ESRRG: variants seen among roughly 807,000 people sequenced by gnomAD.
The protein encoded by ESRRG is estrogen related receptor gamma.
A neutral mutation model predicts 44.0 loss-of-function variants in ESRRG; 13 were observed. The observed-to-expected ratio is 0.30, with a 90% confidence interval of 0.19 to 0.47. ESRRG has a LOEUF of 0.47. ESRRG is among the 20% of genes least tolerant of loss of function. The probability of loss-of-function intolerance (pLI) is 1.00; values close to 1 mark genes in which losing one functional copy is unlikely to be tolerated. For missense variants in ESRRG, 395 were observed against 580.6 expected, an observed-to-expected ratio of 0.68 and a Z score of 3.29; for synonymous variants, 215 against 214.6, an observed-to-expected ratio of 1.00 and a Z score of -0.02.
At chr1:216,913,971 C>T (rs1406695911) in intron 2 of ESRRG, among the ~76,000 whole-genome samples, 1 of 152,124 alleles carries the variant, frequency 6.6e-6, no homozygotes, top group Non-Finnish European at 1.5e-5. Flanking sequence ...TACTAATAAA[C>T]AGCAAACTAC....
intron 5 of ESRRG, among the ~76,000 whole-genome samples, chr1:216,534,403 TA>T (rs1558322823): frequency 1.3e-5 from 2 of 152,182 alleles, no homozygotes; most frequent in Admixed American, 6.5e-5. Flanking sequence ...TATGAGATGT[TA>T]TTCCTGGCAC....
chr1:216,940,878 A>G (rs1449193963), intron 1 of ESRRG, among the ~76,000 whole-genome samples: 5 of 152,208 alleles, frequency 3.3e-5, no homozygotes, highest in Non-Finnish European at 1.5e-5. Flanking sequence ...AATTTACTGT[A>G]ATGCTAAACA....
intron 2 of ESRRG, among the ~76,000 whole-genome samples, chr1:216,936,939 CA>C (rs1229767267): frequency 6.6e-6 from 1 of 152,006 alleles, no homozygotes; most frequent in Non-Finnish European, 1.5e-5. Context: ...GGCACATACC[CA>C]GGGGCAGAAC....
chr1:216,561,065 T>G (rs2058634770), intron 5 of ESRRG, among the ~76,000 whole-genome samples: 1 of 152,168 alleles, frequency 6.6e-6, no homozygotes, highest in Non-Finnish European at 1.5e-5. Context: ...TAAAGTATGG[T>G]CATGTTTCAT....
chr1:216,950,268 T>C (rs575907322), intron 1 of ESRRG, among the ~76,000 whole-genome samples: 1 of 152,232 alleles, frequency 6.6e-6, no homozygotes, highest in Non-Finnish European at 1.5e-5. Flanking sequence ...CTACTAGAGA[T>C]GACTATCTTC....
At chr1:216,741,430 G>A (rs140324246) in intron 2 of ESRRG, among the ~76,000 whole-genome samples, 930 of 43,948 alleles carry the variant, frequency 0.021, 10 homozygotes, top group African/African-American at 0.066. Context: ...ACTCCCCCCC[G>A]CCCCTGCACA....
At chr1:217,095,244 G>A (rs2092405325) in intron 1 of ESRRG, among the ~76,000 whole-genome samples, 1 of 152,192 alleles carries the variant, frequency 6.6e-6, no homozygotes, top group African/African-American at 2.4e-5. Context: ...CCAGTATTCA[G>A]AATGATGGCC....
At chr1:216,615,408 G>C (rs1292658289) in intron 3 of ESRRG, among the ~76,000 whole-genome samples, 3 of 152,102 alleles carry the variant, frequency 2.0e-5, no homozygotes, top group East Asian at 1.9e-4. Flanking sequence ...TACTCACCCT[G>C]GTCTATTTCC....
intron 2 of ESRRG, among the ~76,000 whole-genome samples, chr1:216,869,152 T>C (rs1460730425): frequency 1.3e-5 from 2 of 152,200 alleles, no homozygotes; most frequent in East Asian, 3.9e-4. Context: ...TAGATAATGA[T>C]AGTTTTCTCT....
At chr1:216,578,682 G>C (rs930164915) in intron 3 of ESRRG, among the ~76,000 whole-genome samples, 2 of 152,022 alleles carry the variant, frequency 1.3e-5, no homozygotes, top group Non-Finnish European at 2.9e-5. Flanking sequence ...ATCTACCAAT[G>C]GTGTTCTTAA....
intron 5 of ESRRG, among the ~76,000 whole-genome samples, chr1:216,540,120 A>G (rs950130867): frequency 6.6e-6 from 1 of 152,004 alleles, no homozygotes; most frequent in Non-Finnish European, 1.5e-5. Context: ...CTTATTGCAT[A>G]TCTATTATAG....
intron 2 of ESRRG, among the ~76,000 whole-genome samples, chr1:216,792,947 T>A (rs2094365623): frequency 6.6e-6 from 1 of 152,218 alleles, no homozygotes; most frequent in Non-Finnish European, 1.5e-5. Context: ...GATAGGAATA[T>A]GATCAGTAAC....
chr1:217,060,831 G>GA lies in ESRRG; in HGVS notation c.-106+28675dup, dbSNP rs1263825039. 2.3e-5 allele frequency among the ~76,000 whole-genome samples: 3 copies of GA among 129,724 alleles called. No individual in the cohort carries two copies. In the East Asian group the frequency reaches 6.6e-4, roughly 28 times the overall value. The allele number at this position is 129,724 out of a possible 152,430, so 85.1% of individuals were successfully genotyped here. A position where few individuals can be genotyped will look rare whatever the true frequency, so the allele number is the denominator to read the frequency against. On this transcript the variant is annotated intron_variant, in intron 1 of 7. Coordinates refer to the ESRRG transcript ENST00000359162. ...AGATAGATAGATAGATAGATAGATA[G>GA]AAAAAAGGGAATAAATGCCTCTGAG...
In ESRRG at chr1:216,867,720, GT is replaced by G. The variant is rs199807248; in HGVS notation, c.-14+71861del. The stretch of plus-strand genomic sequence containing the variant: ...TTCTCCACTATACTGTAATTCCATG[GT>G]GCTAAGGTTATTTTTTCTTATCAGT... On this transcript the variant is annotated intron_variant, in intron 2 of 7. Transcript: ENST00000359162. 2.6e-5 allele frequency among the ~76,000 whole-genome samples: 4 copies of G among 151,974 alleles called. No individual in the cohort carries two copies. The East Asian group carries it at 7.7e-4, about 29-fold the overall frequency.
chr1:216,577,780 A>ATT (rs1558607095), intron 3 of ESRRG, among the ~76,000 whole-genome samples: 4 of 150,400 alleles, frequency 2.7e-5, no homozygotes, highest in African/African-American at 4.9e-5. Context: ...ATTTTTTTAA[A>ATT]AAAAAAGGAA....
At chr1:216,877,997 C>A (rs766225504) in intron 2 of ESRRG, among the ~76,000 whole-genome samples, 13 of 152,152 alleles carry the variant, frequency 8.5e-5, no homozygotes, top group Non-Finnish European at 1.8e-4. Context: ...CTTTGGGAGG[C>A]ATATCAGGAA....
intron 2 of ESRRG, among the ~76,000 whole-genome samples, chr1:216,926,848 G>A (rs777140645): frequency 2.6e-5 from 4 of 152,146 alleles, no homozygotes; most frequent in Non-Finnish European, 5.9e-5. Flanking sequence ...TAGCCAGAGC[G>A]CCGGGTGGAA....
intron 2 of ESRRG, among the ~76,000 whole-genome samples, chr1:216,793,954 T>C (rs1231470243): frequency 1.9e-4 from 24 of 127,818 alleles, no homozygotes; most frequent in Non-Finnish European, 3.8e-4. Context: ...CTGGCTTAAC[T>C]AAGGATTTTT....
chr1:216,973,374 C>T (rs1440247613), intron 1 of ESRRG, among the ~76,000 whole-genome samples: 1 of 152,122 alleles, frequency 6.6e-6, no homozygotes, highest in African/African-American at 2.4e-5. Context: ...GAACATACCA[C>T]TCAGTCCCCT....
Sources: allele counts gnomAD v4.1 joint callset (sites outside exome capture counted in the v4.1 genomes callset), GRCh38; gene constraint gnomAD v4.1.1; transcripts MANE v1.5; gene names NCBI Gene and HGNC (gene_info 2026-07-23, HGNC 2026-07-21).